Variants in MAGED2 observed in about 807,000 individuals in gnomAD.
MAGED2 encodes the protein melanoma-associated antigen D2.
MAGED2 carries 6 observed loss-of-function variants against 41.7 expected under a neutral mutation model. The observed-to-expected ratio is 0.14, with a 90% CI of 0.08 to 0.28. The LOEUF (loss-of-function observed/expected upper bound fraction) is 0.28, where lower values mean the gene tolerates loss of function less well. Ranked by LOEUF, MAGED2 falls within the 10% of genes least tolerant of loss-of-function variation. The pLI, the probability that MAGED2 is intolerant of heterozygous loss-of-function variation, is 1.00. For synonymous variants in MAGED2, 146 were observed against 178.2 expected, an observed-to-expected ratio of 0.82 and a Z score of 1.44; for missense variants, 343 against 486.4, an observed-to-expected ratio of 0.71 and a Z score of 2.77.
intron 1 of MAGED2, among the ~76,000 whole-genome samples, chrX:54,808,064 G>A (rs1395815107): frequency 9.2e-6 from 1 of 109,150 alleles, no homozygotes; most frequent in Non-Finnish European, 1.9e-5. Flanking sequence ...AGGAGGGAGG[G>A]GAACACTGAG....
At chrX:54,809,080 CAG>C (rs1352363129) in intron 1 of MAGED2, 1 of 409,324 alleles carries the variant, frequency 2.4e-6, no homozygotes, top group Non-Finnish European at 4.3e-6. Context: ...GCGGGGTCCT[CAG>C]AGCTGCCGCG....
Position 54,809,750 on chromosome X carries a change from C to G in MAGED2, c.74C>G (p.Ser25Trp). ...QAEASEKDSS[S>W]MMQTLLTVTQ... ...GAAGCTTCAGAAAAGGACAGTAGCT[C>G]GATGATGCAGACTCTGTTGACAGTG... The change falls in exon 3 of 13, where the codon TCG becomes TGG. Residue 25 changes from serine to tryptophan, a missense_variant. Physicochemically the swap from Ser to Trp is radical, Grantham distance 177 (BLOSUM62 -3). This residue lies in a region of MAGED2 where 195 missense variants were observed against 221.2 expected (regional missense o/e 0.88). Transcript: ENST00000375068. The G allele has an allele frequency of 8.3e-7, 1 of 1,204,426 alleles. No individual in the cohort carries two copies. The highest frequency in any genetic ancestry group is 3.0e-5 in the East Asian group (1 of 33,694).
In MAGED2 at chrX:54,812,178, G is replaced by T; in HGVS notation, c.1012G>T (p.Glu338Ter). The change falls in exon 7 of 13, where the codon GAA becomes TAA. Residue 338 changes from glutamate (E) to a stop codon, truncating the protein, a stop_gained. Coordinates refer to ENST00000375068, the MANE Select transcript of MAGED2 (RefSeq NM_177433.3). LOFTEE classifies it high-confidence loss of function. ...ACAGGTATTTGGGATTCAATTGAAG[G>T]AAATTGATAAGAATGACCACTTGTA... ...LEKVFGIQLK[E>*]IDKNDHLYIL... The T allele has an allele frequency of 8.4e-7, 1 of 1,194,337 alleles. No homozygotes were observed. The highest frequency in any genetic ancestry group is 1.8e-5 in the South Asian group (1 of 56,294).
intron 3 of MAGED2, among the ~76,000 whole-genome samples, 192 bp from the exon 4 acceptor site, chrX:54,810,629 C>T (rs1442150856): frequency 8.9e-6 from 1 of 111,859 alleles, no homozygotes; most frequent in African/African-American, 3.3e-5. Flanking sequence ...TTGCTCCTGG[C>T]CTGCTAGGCA....
intron 5 of MAGED2, 107 bp from the exon 6 acceptor site, chrX:54,811,467 A>C: frequency 1.1e-6 from 1 of 884,821 alleles, no homozygotes; most frequent in Non-Finnish European, 1.6e-6. Flanking sequence ...TAAGCACAGA[A>C]CCGGGTTATG....
At chrX:54,815,852 CT>C in intron 12 of MAGED2, 28 bp from the exon 13 acceptor site, 1 of 432,480 alleles carries the variant, frequency 2.3e-6, no homozygotes, top group Non-Finnish European at 4.0e-6. Context: ...TCAATTGACC[CT>C]TTTATTTTCT....
rs1929861255 is a variant in MAGED2 at position 54,813,269 on chromosome X, G to A, written c.1208+109G>A. Reference sequence around the variant, plus strand: ...GTCTGGTGGAGCGGGTGGGGTGCTGGACTGGGTAGAGGGCCCAGGGTTCTG... The same window carrying A: ...GTCTGGTGGAGCGGGTGGGGTGCTGAACTGGGTAGAGGGCCCAGGGTTCTG... On this transcript the variant is annotated intron_variant, in intron 9 of 12. Coordinates refer to ENST00000375068, the MANE Select transcript of MAGED2 (RefSeq NM_177433.3). 6.1e-6 allele frequency: 7 copies of A among 1,138,246 alleles called. No individual in the cohort carries two copies. The African/African-American group carries it at 1.1e-4, about 17-fold the overall frequency. 93.8% of individuals were successfully genotyped at this position (1,138,246 alleles called of 1,213,427 possible).
intron 5 of MAGED2, 102 bp from the exon 6 acceptor site, chrX:54,811,472 G>C (rs983126249): frequency 1.1e-6 from 1 of 894,114 alleles, no homozygotes; most frequent in Non-Finnish European, 1.6e-6. Flanking sequence ...ACAGAACCGG[G>C]TTATGCCACC....
rs1293152155 is a variant in MAGED2, at chrX:54,814,691, C to A, written c.1302C>A (p.Ser434Arg). The A allele has an allele frequency of 1.7e-6, 2 of 1,209,188 alleles. No homozygotes were observed. Among genetic ancestry groups the A allele is most frequent in the Admixed American group, 4.3e-5 (2 of 46,055 alleles). ...KYLDYARVPN[S>R]NPPEYEFFWG... ...TGGACTATGCCAGAGTCCCCAATAG[C>A]AATCCCCCTGAATATGAGTTCTTCT... The change falls in exon 11 of 13, where the codon AGC becomes AGA. Residue 434 changes from serine (S) to arginine (R), a missense_variant. Physicochemically the swap from Ser to Arg is moderately radical, Grantham distance 110. Around this residue, in one of 3 missense-constraint regions of MAGED2, gnomAD observed 95 missense variants for 204.8 expected, o/e 0.46. Transcript: ENST00000375068.
chrX:54,810,833 G>T lies in MAGED2; in HGVS notation c.550G>T (p.Asp184Tyr), dbSNP rs1033363510. ...AKKARKVKHL[D>Y]GEEDGSSDQS... ...TCTGTTGATGCAGGTGAAGCATCTG[G>T]ATGGGGAAGAGGATGGCAGCAGTGA... Residue 184 changes from aspartate (D) to tyrosine (Y), a missense_variant, in exon 4 of 13, where the codon GAT becomes TAT. By Grantham distance (160) the Asp-to-Tyr change is radical (BLOSUM62 -3). Coordinates refer to ENST00000375068, the MANE Select transcript of MAGED2 (RefSeq NM_177433.3). 4.3e-6 allele frequency: 5 copies of T among 1,167,418 alleles called. No homozygotes were observed. The African/African-American group carries it at 9.0e-5, about 21-fold the overall frequency.
chrX:54,811,560 C>G lies in MAGED2; in HGVS notation c.911-14C>G, dbSNP rs755378323. 1 of 1,185,469 alleles carries G rather than the reference C, an allele frequency of 8.4e-7. No homozygotes were observed. Among genetic ancestry groups the G allele is most frequent in the Admixed American group, 2.2e-5 (1 of 45,924 alleles). ...TCTCTTCAGTCAGGTGCTCACAACA[C>G]TCTCCCCTTGCAGACATGCTGAAGG... is the stretch of plus-strand genomic sequence containing the variant. On this transcript the variant is annotated splice_polypyrimidine_tract_variant and intron_variant, in intron 5 of 12. Transcript: ENST00000375068.
In MAGED2 at chrX:54,815,271, A is replaced by G. The variant is rs1929926911; in HGVS notation, c.1410A>G (p.Glu470=). Residue 470 remains glutamate, a synonymous_variant, in exon 12 of 13, where the codon GAA becomes GAG. Coordinates refer to ENST00000375068, the MANE Select transcript of MAGED2 (RefSeq NM_177433.3). The part of the protein sequence containing the change: ...ACKVQKKDPK[E]WAAQYREAME... ...AGGTACAAAAGAAGGATCCCAAGGA[A>G]TGGGCAGCTCAGTACCGAGAGGCGA... is the stretch of plus-strand genomic sequence containing the variant. The G allele has an allele frequency of 6.1e-6, 7 of 1,146,611 alleles. No homozygotes were observed. The South Asian group carries it at 1.5e-4, about 24-fold the overall frequency. 94.5% of individuals were successfully genotyped at this position (1,146,611 alleles called of 1,213,427 possible).
intron 1 of MAGED2, 108 bp from the exon 2 acceptor site, chrX:54,809,195 A>G (rs1929719512): frequency 2.5e-5 from 13 of 517,016 alleles, no homozygotes; most frequent in East Asian, 3.7e-5. Context: ...GGGGTGGTGG[A>G]GGGGGTTGGA....
chrX:54,812,295 C>A, intron 7 of MAGED2, 44 bp downstream of exon 7: 1 of 820,479 alleles, frequency 1.2e-6, no homozygotes, highest in Non-Finnish European at 1.8e-6. Context: ...TCTGCTTTGG[C>A]CATGTGCTGC....
At position 54,815,125 on chromosome X, in the gene MAGED2, C is replaced by T. The variant is rs760908336; in HGVS notation, c.1387-123C>T. On this transcript the variant is annotated intron_variant, in intron 11 of 12. Coordinates refer to ENST00000375068, the MANE Select transcript of MAGED2 (RefSeq NM_177433.3). ...TTATACTAAGCATGTAGCATAGTGC[C>T]TAGCATAAAGGTAGATGCTTAATCC... 38 of 846,234 alleles carry T rather than the reference C, an allele frequency of 4.5e-5. No individual in the cohort carries two copies. In the South Asian group the frequency reaches 9.9e-4, roughly 22 times the overall value. The allele number at this position is 846,234 out of a possible 1,213,427, so 69.7% of individuals were successfully genotyped here.
intron 11 of MAGED2, 76 bp downstream of exon 11, chrX:54,814,851 C>A: frequency 2.9e-6 from 2 of 701,652 alleles, no homozygotes; most frequent in Non-Finnish European, 4.5e-6. Context: ...GTGTGCAGAG[C>A]AGCCTGCAGT....
Position 54,811,635 on chromosome X carries a change from A to G in MAGED2, c.972A>G (p.Ala324=). ...TGTACCCCGAAATCATTGAACGAGCAGGCTATTCCTTGGAGAAGGTGAAGG... is the reference window on the plus strand; with the variant it reads ...TGTACCCCGAAATCATTGAACGAGCGGGCTATTCCTTGGAGAAGGTGAAGG... ...TDVYPEIIER[A]GYSLEKVFGI... The change falls in exon 6 of 13, where the codon GCA becomes GCG. Residue 324 remains alanine, a synonymous_variant. Transcript: ENST00000375068. The G allele has an allele frequency of 8.3e-7, 1 of 1,207,620 alleles. No homozygotes were observed. The highest frequency in any genetic ancestry group is 1.1e-6 in the Non-Finnish European group (1 of 891,629).
At chrX:54,814,796 G>A (rs1255403365) in intron 11 of MAGED2, 21 bp downstream of exon 11, 8 of 1,148,733 alleles carry the variant, frequency 7.0e-6, no homozygotes, top group Non-Finnish European at 9.5e-6. Context: ...AGCTCCTTGA[G>A]CTTGGCAAGT....
In MAGED2 at chrX:54,809,991, C is replaced by T. The variant is rs1379172068; in HGVS notation, c.315C>T (p.Asp105=). Residue 105 remains aspartate, a synonymous_variant, in exon 3 of 13, where the codon GAC becomes GAT. Coordinates refer to ENST00000375068, the MANE Select transcript of MAGED2 (RefSeq NM_177433.3). ...LAAENKSLAA[D]TKKQNADPQA... ...CTGAAAACAAGAGTCTAGCAGCTGA[C>T]ACCAAGAAACAGAATGCTGACCCGC... The T allele has an allele frequency of 8.3e-7, 1 of 1,205,719 alleles. No homozygotes were observed. The highest frequency in any genetic ancestry group is 1.7e-5 in the African/African-American group (1 of 57,614).
Sources: gnomAD v4.1 joint callset for allele counts (sites outside exome capture counted in the v4.1 genomes callset) on GRCh38, gnomAD v4.1.1 for gene constraint, gnomAD v4.1.1 regional missense constraint, MANE v1.5 for transcripts, NCBI Gene and HGNC (gene_info 2026-07-23, HGNC 2026-07-21) for gene names.